The following DDO variants were observed in gnomAD, a reference collection of about 807,000 sequenced individuals.
DDO encodes D-aspartate oxidase, DDO.
DDO carries 16 observed loss-of-function variants against 16.8 expected under a neutral mutation model. The observed-to-expected ratio is 0.95, with a 90% CI of 0.65 to 1.45. DDO has a LOEUF of 1.45. DDO is among the 40% of genes most tolerant of loss of function. The pLI, the probability that DDO is intolerant of heterozygous loss-of-function variation, is 0.00. For missense variants in DDO, 429 were observed against 420.3 expected (o/e 1.02, Z -0.18); for synonymous variants, 180 against 167.2 (o/e 1.08, Z -0.59).
downstream of DDO, chr6:110,388,808 T>C (rs1773055800): frequency 1.0e-5 from 10 of 983,376 alleles, no homozygotes; most frequent in South Asian, 2.8e-4. Flanking sequence ...TTGTTCTTCA[T>C]GTTCAGAAAA....
chr6:110,394,070 C>T (rs1582469340), intron 4 of DDO, among the ~76,000 whole-genome samples: 2 of 151,978 alleles, frequency 1.3e-5, no homozygotes, highest in Non-Finnish European at 2.9e-5. Context: ...GTTGTGCAAC[C>T]GCCATCACCA....
chr6:110,410,311 T>G (rs538747890), intron 2 of DDO, among the ~76,000 whole-genome samples: 1 of 152,340 alleles, frequency 6.6e-6, no homozygotes, highest in African/African-American at 2.4e-5. Context: ...GAGGGATGAT[T>G]CCATGACTAG....
downstream of DDO, among the ~76,000 whole-genome samples, chr6:110,391,430 A>G (rs1378740584): frequency 6.7e-6 from 1 of 148,478 alleles, no homozygotes; most frequent in Non-Finnish European, 1.5e-5. Context: ...GCTCACTGCA[A>G]CCTCCGTCTC....
At chr6:110,415,181 T>G (rs6933664) in intron 1 of DDO, among the ~76,000 whole-genome samples, 63,510 of 152,036 alleles carry the variant, frequency 0.42, 13,926 homozygotes, top group African/African-American at 0.55. Context: ...CCAGCTTGAG[T>G]AGAGCTGTCC....
intron 3 of DDO, among the ~76,000 whole-genome samples, 189 bp from the exon 4 acceptor site, chr6:110,405,139 C>T (rs536908648): frequency 6.6e-6 from 1 of 152,264 alleles, no homozygotes; most frequent in Admixed American, 6.5e-5. Flanking sequence ...GGGGCTCAGG[C>T]AATCCTCCCA....
intron 3 of DDO, 130 bp from the exon 4 acceptor site, chr6:110,405,080 A>G: frequency 2.2e-6 from 2 of 928,680 alleles, no homozygotes; most frequent in Non-Finnish European, 3.2e-6. Context: ...TCCATCACCC[A>G]GGTGGGAGTG....
intron 4 of DDO, among the ~76,000 whole-genome samples, chr6:110,401,638 A>T (rs1019853361): frequency 1.3e-5 from 2 of 152,208 alleles, no homozygotes; most frequent in African/African-American, 4.8e-5. Context: ...AAATACATAT[A>T]GGAAAAGGAA....
At chr6:110,402,062 G>A (rs1312423657) in intron 4 of DDO, among the ~76,000 whole-genome samples, 1 of 152,134 alleles carries the variant, frequency 6.6e-6, no homozygotes, top group East Asian at 1.9e-4. Flanking sequence ...CCAACTGAGG[G>A]ACATTCTATT....
rs775114673 is a variant in DDO, at chr6:110,404,852, A to T, written c.380T>A (p.Phe127Tyr). ...AGCCTGACCAAACACATACTGGGGGAATTTCTTCAGCTCAGCCTCAGTCAT... is the reference window on the plus strand; with the variant it reads ...AGCCTGACCAAACACATACTGGGGGTATTTCTTCAGCTCAGCCTCAGTCAT... ...RKMTEAELKKFPQYVFGQAFT... is the reference protein window; with the variant it reads ...RKMTEAELKKYPQYVFGQAFT... Residue 127 changes from phenylalanine to tyrosine, a missense_variant, in exon 4 of 5, where the codon TTC becomes TAC. Phe to Tyr is a conservative substitution (Grantham distance 22, BLOSUM62 3). Coordinates refer to ENST00000368924, the MANE Select transcript of DDO (RefSeq NM_001372108.2). 3.7e-6 allele frequency: 6 copies of T among 1,614,008 alleles called. No individual in the cohort carries two copies. The African/African-American group carries it at 6.7e-5, about 18-fold the overall frequency.
intron 4 of DDO, among the ~76,000 whole-genome samples, chr6:110,401,568 T>TG (rs34881250): frequency 6.6e-6 from 1 of 151,644 alleles, no homozygotes; most frequent in South Asian, 2.1e-4. Context: ...ATCAAAATGA[T>TG]GGGGGGGATA....
At chr6:110,388,876 C>CA (rs1773056903), downstream of DDO, 1 of 876,486 alleles carries the variant, frequency 1.1e-6, no homozygotes, top group African/African-American at 1.8e-5. Flanking sequence ...AGTCTATTCT[C>CA]AGGCAGTAGC....
In DDO at chr6:110,412,181, G is replaced by A. The variant is rs188713870; in HGVS notation, c.172+1110C>T. Among the ~76,000 whole-genome samples, 121 of 152,128 alleles carry A rather than the reference G, an allele frequency of 8.0e-4. 1 individual carries two copies. The highest frequency in any genetic ancestry group is 2.9e-3 in the African/African-American group (121 of 41,506). On this transcript the variant is annotated intron_variant, in intron 2 of 4. Transcript: ENST00000368924. ...GAATCTCTTGAACCCCAGAGGTGAA[G>A]GTTACAGTGAGTCAGTGAGCCAGGA...
chr6:110,415,393 C>T (rs1197059604), intron 1 of DDO, 74 bp downstream of exon 1: 2 of 1,590,210 alleles, frequency 1.3e-6, no homozygotes, highest in African/African-American at 2.7e-5. Context: ...TCCCCTGACC[C>T]TATTCAGACA....
At chr6:110,407,288 T>C (rs1336262364) in intron 3 of DDO, among the ~76,000 whole-genome samples, 4 of 152,208 alleles carry the variant, frequency 2.6e-5, no homozygotes, top group African/African-American at 9.6e-5. Flanking sequence ...TTTTTTCTAC[T>C]TGGCTCATCA....
intron 3 of DDO, among the ~76,000 whole-genome samples, chr6:110,405,666 T>C (rs1773627802): frequency 1.3e-5 from 2 of 152,130 alleles, no homozygotes; most frequent in African/African-American, 4.8e-5. Flanking sequence ...CACCTATCTA[T>C]GATCCCAGCA....
intron 1 of DDO, among the ~76,000 whole-genome samples, chr6:110,414,759 C>G (rs1401684273): frequency 6.6e-6 from 1 of 152,252 alleles, no homozygotes; most frequent in African/African-American, 2.4e-5. Flanking sequence ...GCTAAACCAG[C>G]CTCTGAATGT....
Position 110,392,777 on chromosome 6 carries a change from AC to A in DDO, c.1023del (p.Ter342ArgfsTer2). 6.5e-7 allele frequency: 1 copy of A among 1,544,630 alleles called. No individual in the cohort carries two copies. Among genetic ancestry groups the A allele is most frequent in the African/African-American group, 1.4e-5 (1 of 72,886 alleles). On this transcript the variant is annotated frameshift_variant, in exon 5 of 5. Coordinates refer to ENST00000368924, the MANE Select transcript of DDO (RefSeq NM_001372108.2). LOFTEE classifies it high-confidence loss of function. ...ALRTPIPKSN[L>X] ...TCTTTGCTGTCATTTTATGTCATCTACAGGTTTGACTTGGGAATGGGGGTCC... is the reference window on the plus strand; with the variant it reads ...TCTTTGCTGTCATTTTATGTCATCTAAGGTTTGACTTGGGAATGGGGGTCC...
intron 1 of DDO, among the ~76,000 whole-genome samples, chr6:110,414,983 G>C (rs959557570): frequency 5.3e-5 from 8 of 152,218 alleles, no homozygotes; most frequent in Admixed American, 6.5e-5. Context: ...CGCACTATGA[G>C]ACTTTAAAGC....
chr6:110,404,821 T>C lies in DDO; in HGVS notation c.411A>G (p.Thr137=). 6.2e-7 allele frequency: 1 copy of C among 1,614,202 alleles called. No individual in the cohort carries two copies. Among genetic ancestry groups the C allele is most frequent in the Non-Finnish European group, 8.5e-7 (1 of 1,180,040 alleles). Residue 137 remains threonine (T), a synonymous_variant, in exon 4 of 5, where the codon ACA becomes ACG. Transcript: ENST00000368924. ...AGGCAGGGCATTCACATTTCAGGGT[T>C]GTAAAAGCCTGACCAAACACATACT... ...FPQYVFGQAF[T]TLKCECPAYL... is the part of the protein sequence containing the mutation.
Sources: allele counts gnomAD v4.1 joint callset (sites outside exome capture counted in the v4.1 genomes callset), GRCh38; gene constraint gnomAD v4.1.1; transcripts MANE v1.5; gene names NCBI Gene and HGNC (gene_info 2026-07-23, HGNC 2026-07-21).